LNPEP: variants seen among roughly 807,000 people sequenced by gnomAD.
The protein encoded by LNPEP is leucyl-cystinyl aminopeptidase.
In LNPEP, 64 loss-of-function variants were observed where a neutral mutation model predicts 120.6. That is an observed-to-expected ratio of 0.53 (90% CI 0.43 to 0.65). The LOEUF (loss-of-function observed/expected upper bound fraction) is 0.65. Ranked by LOEUF, LNPEP falls within the 30% of genes least tolerant of loss-of-function variation. The pLI is 0.00. For missense variants in LNPEP, 1,057 were observed against 1,200.0 expected (o/e 0.88, Z 1.76); for synonymous variants, 435 against 425.4 (o/e 1.02, Z -0.28).
intron 8 of LNPEP, among the ~76,000 whole-genome samples, chr5:96,999,430 CAAG>C (rs1472802708): frequency 6.6e-6 from 1 of 151,986 alleles, no homozygotes; most frequent in Non-Finnish European, 1.5e-5. Flanking sequence ...ACCTGACTGA[CAAG>C]AAGAATTATT....
chr5:96,942,033 T>C (rs1357808499), intron 1 of LNPEP, among the ~76,000 whole-genome samples: 1 of 152,112 alleles, frequency 6.6e-6, no homozygotes, highest in Non-Finnish European at 1.5e-5. Context: ...CTGGTTGGAT[T>C]AATGGAATTG....
intron 11 of LNPEP, among the ~76,000 whole-genome samples, chr5:97,012,895 C>A (rs1429554784): frequency 2.6e-5 from 4 of 152,280 alleles, no homozygotes; most frequent in African/African-American, 2.4e-5. Flanking sequence ...CTTATGCAAT[C>A]TTAAGCCTTC....
intron 16 of LNPEP, among the ~76,000 whole-genome samples, chr5:97,027,171 G>A (rs1207209911): frequency 6.6e-6 from 1 of 152,128 alleles, no homozygotes; most frequent in Admixed American, 6.5e-5. Context: ...GGCTAACACG[G>A]TGAAACCCCA....
intron 8 of LNPEP, among the ~76,000 whole-genome samples, chr5:97,000,234 C>T (rs1056266197): frequency 1.3e-5 from 2 of 152,158 alleles, no homozygotes; most frequent in African/African-American, 4.8e-5. Context: ...AGAAGCCCTC[C>T]TGTATGGTGA....
intron 14 of LNPEP, among the ~76,000 whole-genome samples, chr5:97,023,024 A>G (rs1311164004): frequency 6.6e-6 from 1 of 152,004 alleles, no homozygotes; most frequent in Non-Finnish European, 1.5e-5. Flanking sequence ...GAACTTTTAC[A>G]TCTTGCAAAA....
At chr5:97,021,923 G>GTTTTTT (rs1165456605) in intron 13 of LNPEP, among the ~76,000 whole-genome samples, 41 of 57,188 alleles carry the variant, frequency 7.2e-4, no homozygotes, top group Non-Finnish European at 7.7e-4. Flanking sequence ...TTTGTCTTTT[G>GTTTTTT]TTTTTTTTTT....
intron 9 of LNPEP, among the ~76,000 whole-genome samples, chr5:97,005,646 A>G (rs534545350): frequency 7.2e-5 from 11 of 152,360 alleles, no homozygotes; most frequent in African/African-American, 2.6e-4. Flanking sequence ...CAGGTGCTTC[A>G]CAGGATTGAG....
In LNPEP at chr5:96,994,465, ATT is replaced by A. The variant is rs11343706; in HGVS notation, c.1407+508_1407+509del. 3.0e-3 allele frequency among the ~76,000 whole-genome samples: 437 copies of A among 145,840 alleles called. 3 individuals are homozygous for A. Among genetic ancestry groups the A allele is most frequent in the Admixed American group, 5.5e-3 (81 of 14,740 alleles). ...CTCAAACTGTAGCTGTCAGGGCTGG[ATT>A]TTTTTTTTTTTTTCATCTCCTGCCG... On this transcript the variant is annotated intron_variant, in intron 6 of 17. Transcript: ENST00000231368.
chr5:96,962,657 T>C (rs1789631690), intron 1 of LNPEP: 1 of 142,402 alleles, frequency 7.0e-6, no homozygotes, highest in Non-Finnish European at 1.6e-5. Flanking sequence ...TTTTTTTTTT[T>C]CAGGCTAGTC....
chr5:97,022,729 T>C (rs1582035326), intron 14 of LNPEP, among the ~76,000 whole-genome samples: 1 of 150,760 alleles, frequency 6.6e-6, no homozygotes, highest in East Asian at 2.0e-4. Flanking sequence ...GCTGGTGTGC[T>C]GCACCCATTA....
Position 96,936,098 on chromosome 5 carries a change from A to T in LNPEP, c.-58A>T. ...CATGCTCAGTCAGCTGGGCCGCCTC[A>T]GCTCTCGGAGTAGGAAGCTCGGGCG... On this transcript the variant is annotated 5_prime_UTR_variant, in exon 1 of 18. Coordinates refer to ENST00000231368, the MANE Select transcript of LNPEP (RefSeq NM_005575.3). The T allele has an allele frequency of 6.6e-7, 1 of 1,512,644 alleles. No individual in the cohort carries two copies. The allele number at this position is 1,512,644 out of a possible 1,614,324, so 93.7% of individuals were successfully genotyped here.
chr5:97,024,478 A>C (rs998034160), intron 14 of LNPEP, 43 bp from the exon 15 acceptor site: 9 of 1,581,024 alleles, frequency 5.7e-6, no homozygotes, highest in Non-Finnish European at 7.8e-6. Flanking sequence ...TTGTATTCAG[A>C]ATATTTTCTT....
At chr5:97,020,454 G>A (rs1791165980) in intron 13 of LNPEP, among the ~76,000 whole-genome samples, 1 of 151,710 alleles carries the variant, frequency 6.6e-6, no homozygotes, top group African/African-American at 2.4e-5. Context: ...GGGGGTATCT[G>A]TTGAATTTTT....
At chr5:96,952,194 A>G (rs990266606) in intron 1 of LNPEP, among the ~76,000 whole-genome samples, 1 of 152,154 alleles carries the variant, frequency 6.6e-6, no homozygotes, top group Non-Finnish European at 1.5e-5. Context: ...GAGATGCATT[A>G]TTTTTCATTT....
rs1554066390 is a variant in LNPEP, at chr5:96,954,749, C to CACACACAT, written c.19+18576_19+18577insCACACATA. Among the ~76,000 whole-genome samples, 11 of 24,214 alleles carry CACACACAT rather than the reference C, an allele frequency of 4.5e-4. 1 individual carries two copies. The highest frequency in any genetic ancestry group is 2.0e-3 in the African/African-American group (11 of 5,402). 15.9% of individuals were successfully genotyped at this position (24,214 alleles called of 152,430 possible). ...ATATATATATACATATATATATACACATATATATATATATATATATATATT... is the reference window on the plus strand; with the variant it reads ...ATATATATATACATATATATATACACACACACATATATATATATATATATATATATATT... On this transcript the variant is annotated intron_variant, in intron 1 of 17. Coordinates refer to ENST00000231368, the MANE Select transcript of LNPEP (RefSeq NM_005575.3).
chr5:96,968,873 C>T (rs576164213), intron 1 of LNPEP, among the ~76,000 whole-genome samples: 34 of 151,896 alleles, frequency 2.2e-4, no homozygotes, highest in Non-Finnish European at 4.1e-4. Flanking sequence ...AGGCACTGTG[C>T]GTGGTTGTAT....
At chr5:96,944,702 G>A (rs1789146224) in intron 1 of LNPEP, among the ~76,000 whole-genome samples, 1 of 151,076 alleles carries the variant, frequency 6.6e-6, no homozygotes, top group Non-Finnish European at 1.5e-5. Flanking sequence ...CTGAGTAGCT[G>A]GGATTATAGG....
chr5:96,983,176 C>T (rs1222440455), intron 2 of LNPEP, among the ~76,000 whole-genome samples: 1 of 152,048 alleles, frequency 6.6e-6, no homozygotes, highest in Non-Finnish European at 1.5e-5. Flanking sequence ...CTTCTGACTC[C>T]AAATCTCATA....
At chr5:96,949,800 T>C (rs969589049) in intron 1 of LNPEP, among the ~76,000 whole-genome samples, 3 of 152,210 alleles carry the variant, frequency 2.0e-5, no homozygotes, top group Non-Finnish European at 4.4e-5. Context: ...ACATATTAGA[T>C]GCTTAATAAA....
Sources: gnomAD v4.1 joint callset for allele counts (sites outside exome capture counted in the v4.1 genomes callset) on GRCh38, gnomAD v4.1.1 for gene constraint, MANE v1.5 for transcripts, NCBI Gene and HGNC (gene_info 2026-07-23, HGNC 2026-07-21) for gene names.